Variants in FGF4 observed in about 807,000 individuals in gnomAD.
FGF4 encodes the protein fibroblast growth factor 4.
In FGF4, 9 loss-of-function variants were observed where a neutral mutation model predicts 15.7. That is an observed-to-expected ratio of 0.57 (90% CI 0.35 to 1.00). The LOEUF is 1.00. Ranked by LOEUF, FGF4 falls within the 50% of genes least tolerant of loss-of-function variation. The pLI is 0.02. For missense variants in FGF4, 286 were observed against 297.3 expected (o/e 0.96, Z 0.28); for synonymous variants, 164 against 144.8 (o/e 1.13, Z -0.95).
chr11:69,775,177 G>T lies in FGF4; in HGVS notation c.-93C>A. 1 of 892,366 alleles carries T rather than the reference G, an allele frequency of 1.1e-6. No homozygotes were observed. Among genetic ancestry groups the T allele is most frequent in the Non-Finnish European group, 1.5e-6 (1 of 675,380 alleles). The allele number at this position is 892,366 out of a possible 1,614,324, so 55.3% of individuals were successfully genotyped here. A position where few individuals can be genotyped will look rare whatever the true frequency, so the allele number is the denominator to read the frequency against. On this transcript the variant is annotated 5_prime_UTR_variant, in exon 1 of 3. Transcript: ENST00000168712. ...CCTGTGGCGTCCCGCGGGAGCGCACGGCCGACCTCGGGCAGGAGTGCGCAA... is the reference window on the plus strand; with the variant it reads ...CCTGTGGCGTCCCGCGGGAGCGCACTGCCGACCTCGGGCAGGAGTGCGCAA...
Position 69,773,390 on chromosome 11 carries a change from G to A in FGF4, c.540C>T (p.Ala180=), listed in dbSNP as rs755033485. Residue 180 remains alanine, a synonymous_variant, in exon 3 of 3, where the codon GCC becomes GCT. Coordinates refer to ENST00000168712, the MANE Select transcript of FGF4 (RefSeq NM_002007.4). ...ESYKYPGMFI[A]LSKNGKTKKG... is the part of the protein sequence containing the mutation. The stretch of plus-strand genomic sequence containing the variant: ...TCTTGGTCTTCCCATTCTTGCTCAG[G>A]GCGATGAACATGCCGGGGTACTTGT... 8.1e-6 allele frequency: 13 copies of A among 1,614,044 alleles called. No homozygotes were observed. The Admixed American group carries it at 2.2e-4, about 27-fold the overall frequency.
Position 69,772,056 on chromosome 11 carries a change from T to G in FGF4, c.*1253A>C, listed in dbSNP as rs1480539052. The G allele has an allele frequency of 6.6e-6, 1 of 152,152 alleles. No individual in the cohort carries two copies. The allele number at this position is 152,152 out of a possible 1,614,324, so 9.4% of individuals were successfully genotyped here. The stretch of plus-strand genomic sequence containing the variant: ...TACTGTAACAGCTGTCTGCAAATAT[T>G]TTCACCATGATCACCCTTACTAAAA... On this transcript the variant is annotated 3_prime_UTR_variant, in exon 3 of 3. Transcript: ENST00000168712.
chr11:69,773,469 T>G lies in FGF4; in HGVS notation c.461A>C (p.Glu154Ala). ...AAGGAGAATCTCCTTGAACGTGCAC[T>G]CATCGGTGAAGAAGGGCTGCAGCAA... ...KLYGSPFFTD[E>A]CTFKEILLPN... The change falls in exon 3 of 3, where the codon GAG (glutamate) becomes GCG (alanine). Residue 154 changes from glutamate to alanine, a missense_variant. Transcript: ENST00000168712. 6.2e-7 allele frequency: 1 copy of G among 1,614,070 alleles called. No individual in the cohort carries two copies. Among genetic ancestry groups the G allele is most frequent in the Non-Finnish European group, 8.5e-7 (1 of 1,179,978 alleles).
In FGF4 at chr11:69,773,348, C is replaced by T. The variant is rs758826241; in HGVS notation, c.582G>A (p.Ser194=). ...NGKTKKGNRV[S]PTMKVTHFLP... is the part of the protein sequence containing the mutation. Reference sequence around the variant, plus strand: ...GGAAGTGGGTGACCTTCATGGTGGGCGACACTCGGTTCCCCTTCTTGGTCT... The same window carrying T: ...GGAAGTGGGTGACCTTCATGGTGGGTGACACTCGGTTCCCCTTCTTGGTCT... Residue 194 remains serine, a synonymous_variant, in exon 3 of 3, where the codon TCG becomes TCA. Coordinates refer to ENST00000168712, the MANE Select transcript of FGF4 (RefSeq NM_002007.4). The T allele has an allele frequency of 3.2e-5, 52 of 1,613,932 alleles. No homozygotes were observed. Among genetic ancestry groups the T allele is most frequent in the African/African-American group, 1.9e-4 (14 of 74,886 alleles).
In FGF4 at chr11:69,774,030, A is replaced by C. The variant is rs61738964; in HGVS notation, c.438T>G (p.Tyr146Ter). 34 of 1,612,464 alleles carry C rather than the reference A, an allele frequency of 2.1e-5. No homozygotes were observed. Among genetic ancestry groups the C allele is most frequent in the Non-Finnish European group, 2.9e-5 (34 of 1,179,638 alleles). The change falls in exon 2 of 3, where the codon TAT becomes TAG. Residue 146 changes from tyrosine (Y) to a stop codon, truncating the protein, a stop_gained. Transcript: ENST00000168712. LOFTEE classifies it high-confidence loss of function. ...FVAMSSKGKL[Y>*]GSPFFTDECT... ...AGACCCCTGCGGTACTCACCGAGCC[A>C]TAGAGCTTGCCCTTGCTGCTCATGG...
chr11:69,771,265 G>A lies in FGF4; in HGVS notation c.*2044C>T, dbSNP rs1855564909. ...AAAACAATATTTTAAAGGTACAGTT[G>A]TGTTCCTACAGGCATCACACATGAT... On this transcript the variant is annotated 3_prime_UTR_variant, in exon 3 of 3. Transcript: ENST00000168712. The A allele has an allele frequency of 6.6e-6, 1 of 152,208 alleles. No individual in the cohort carries two copies. The allele number at this position is 152,208 out of a possible 1,614,324, so 9.4% of individuals were successfully genotyped here. A position where few individuals can be genotyped will look rare whatever the true frequency, so the allele number is the denominator to read the frequency against.
chr11:69,771,818 T>C lies in FGF4; in HGVS notation c.*1491A>G, dbSNP rs752627726. On this transcript the variant is annotated 3_prime_UTR_variant, in exon 3 of 3. Transcript: ENST00000168712. Reference sequence around the variant, plus strand: ...AACATCCTAGGAGAGTATTAAAGTCTTGACGAAACATTCGGAGCATTTCTG... The same window carrying C: ...AACATCCTAGGAGAGTATTAAAGTCCTGACGAAACATTCGGAGCATTTCTG... 8 of 152,224 alleles carry C rather than the reference T, an allele frequency of 5.3e-5. No homozygotes were observed. Among genetic ancestry groups the C allele is most frequent in the Non-Finnish European group, 2.9e-5 (2 of 68,036 alleles). 9.4% of individuals were successfully genotyped at this position (152,224 alleles called of 1,614,324 possible). A position where few individuals can be genotyped will look rare whatever the true frequency, so the allele number is the denominator to read the frequency against.
chr11:69,774,868 C>G lies in FGF4; in HGVS notation c.217G>C (p.Ala73Pro). ...TTGATGCCCAGCAGGTAGTCGCCGG[C>G]GCCGCTCTGGACGGCCGCCTCCTTG... is the stretch of plus-strand genomic sequence containing the variant. ...QPKEAAVQSG[A>P]GDYLLGIKRL... Residue 73 changes from alanine (A) to proline (P), a missense_variant, in exon 1 of 3, where the codon GCC becomes CCC. Coordinates refer to ENST00000168712, the MANE Select transcript of FGF4 (RefSeq NM_002007.4). The G allele has an allele frequency of 6.6e-7, 1 of 1,504,894 alleles. No individual in the cohort carries two copies. The highest frequency in any genetic ancestry group is 2.8e-5 in the East Asian group (1 of 35,850). The allele number at this position is 1,504,894 out of a possible 1,614,324, so 93.2% of individuals were successfully genotyped here.
In FGF4 at chr11:69,774,914, G is replaced by A. The variant is rs1299240266; in HGVS notation, c.171C>T (p.Arg57=). 2.7e-6 allele frequency: 4 copies of A among 1,481,252 alleles called. No individual in the cohort carries two copies. The highest frequency in any genetic ancestry group is 1.3e-5 in the South Asian group (1 of 78,772). The allele number at this position is 1,481,252 out of a possible 1,614,324, so 91.8% of individuals were successfully genotyped here. ...WESLVALSLA[R]LPVAAQPKEA... ...CCTTGGGCTGCGCTGCCACCGGCAG[G>A]CGCGCCAACGAGAGCGCCACCAGGC... Residue 57 remains arginine (R), a synonymous_variant, in exon 1 of 3, where the codon CGC becomes CGT. Coordinates refer to ENST00000168712, the MANE Select transcript of FGF4 (RefSeq NM_002007.4).
chr11:69,775,195 G>A lies in FGF4; in HGVS notation c.-111C>T. On this transcript the variant is annotated 5_prime_UTR_variant, in exon 1 of 3. Coordinates refer to ENST00000168712, the MANE Select transcript of FGF4 (RefSeq NM_002007.4). ...AGCGCACGGCCGACCTCGGGCAGGAGTGCGCAACCGAGGAGGTGCGGGAGG... is the reference window on the plus strand; with the variant it reads ...AGCGCACGGCCGACCTCGGGCAGGAATGCGCAACCGAGGAGGTGCGGGAGG... 4.3e-6 allele frequency: 3 copies of A among 693,588 alleles called. No homozygotes were observed. The highest frequency in any genetic ancestry group is 6.1e-6 in the Non-Finnish European group (3 of 495,672). 43.0% of individuals were successfully genotyped at this position (693,588 alleles called of 1,614,324 possible). A position where few individuals can be genotyped will look rare whatever the true frequency, so the allele number is the denominator to read the frequency against.
At position 69,773,274 on chromosome 11, in the gene FGF4, G is replaced by A. The variant is rs1330185587; in HGVS notation, c.*35C>T. On this transcript the variant is annotated 3_prime_UTR_variant, in exon 3 of 3. Transcript: ENST00000168712. ...GACCCTCGGCACTGCCCTCCCAGGG[G>A]CTTCCCGAGGCTGAGGCAAGGGTCC... is the stretch of plus-strand genomic sequence containing the variant. The A allele has an allele frequency of 6.2e-7, 1 of 1,605,692 alleles. No individual in the cohort carries two copies. The highest frequency in any genetic ancestry group is 2.2e-5 in the East Asian group (1 of 44,834).
intron 1 of FGF4, 131 bp downstream of exon 1, chr11:69,774,614 C>A (rs1453780886): frequency 1.6e-6 from 1 of 632,938 alleles, no homozygotes; most frequent in African/African-American, 2.0e-5. Flanking sequence ...GGGACCGGAG[C>A]CCGAGTCCGC....
In FGF4 at chr11:69,775,044, G is replaced by A. The variant is rs1158890592; in HGVS notation, c.41C>T (p.Ala14Val). 2 of 1,398,674 alleles carry A rather than the reference G, an allele frequency of 1.4e-6. No homozygotes were observed. The highest frequency in any genetic ancestry group is 1.8e-6 in the Non-Finnish European group (2 of 1,083,530). 86.6% of individuals were successfully genotyped at this position (1,398,674 alleles called of 1,614,324 possible). A position where few individuals can be genotyped will look rare whatever the true frequency, so the allele number is the denominator to read the frequency against. ...PGTAAVALLPAVLLALLAPWA... is the reference protein window; with the variant it reads ...PGTAAVALLPVVLLALLAPWA... ...GGGCGCCAGCAAGGCCAGCAGGACC[G>A]CCGGGAGCAGCGCTACCGCGGCCGT... The change falls in exon 1 of 3, where the codon GCG becomes GTG. Residue 14 changes from alanine (A) to valine (V), a missense_variant. Coordinates refer to ENST00000168712, the MANE Select transcript of FGF4 (RefSeq NM_002007.4).
In FGF4 at chr11:69,774,885, G is replaced by T; in HGVS notation, c.200C>A (p.Ala67Glu). Reference protein sequence around the residue: ...RLPVAAQPKEAAVQSGAGDYL... With the variant: ...RLPVAAQPKEEAVQSGAGDYL... ...GTCGCCGGCGCCGCTCTGGACGGCC[G>T]CCTCCTTGGGCTGCGCTGCCACCGG... Residue 67 changes from alanine (A) to glutamate (E), a missense_variant, in exon 1 of 3, where the codon GCG becomes GAG. Physicochemically the swap from Ala to Glu is moderately radical, Grantham distance 107. Transcript: ENST00000168712. The T allele has an allele frequency of 6.7e-7, 1 of 1,488,950 alleles. No homozygotes were observed. The highest frequency in any genetic ancestry group is 8.9e-7 in the Non-Finnish European group (1 of 1,127,184). 92.2% of individuals were successfully genotyped at this position (1,488,950 alleles called of 1,614,324 possible).
chr11:69,773,302 T>C lies in FGF4; in HGVS notation c.*7A>G. 6.2e-7 allele frequency: 1 copy of C among 1,613,932 alleles called. No homozygotes were observed. The highest frequency in any genetic ancestry group is 8.5e-7 in the Non-Finnish European group (1 of 1,179,850). ...TCCCGAGGCTGAGGCAAGGGTCCTC[T>C]GGAGGGTCACAGCCTGGGGAGGAAG... is the stretch of plus-strand genomic sequence containing the variant. On this transcript the variant is annotated 3_prime_UTR_variant, in exon 3 of 3. Transcript: ENST00000168712.
Position 69,773,476 on chromosome 11 carries a change from TGAA to T in FGF4, c.451_453del (p.Phe151del). ...ATCTCCTTGAACGTGCACTCATCGG[TGAA>T]GAAGGGCTGCAGCAAAGCAGGGCAG... On this transcript the variant is annotated inframe_deletion, in exon 3 of 3. Transcript: ENST00000168712. 6.2e-7 allele frequency: 1 copy of T among 1,613,984 alleles called. No homozygotes were observed. The highest frequency in any genetic ancestry group is 8.5e-7 in the Non-Finnish European group (1 of 1,179,984).
Position 69,775,192 on chromosome 11 carries a change from G to T in FGF4, c.-108C>A. The T allele has an allele frequency of 1.4e-6, 1 of 719,264 alleles. No individual in the cohort carries two copies. Among genetic ancestry groups the T allele is most frequent in the Non-Finnish European group, 1.9e-6 (1 of 518,432 alleles). 44.6% of individuals were successfully genotyped at this position (719,264 alleles called of 1,614,324 possible). On this transcript the variant is annotated 5_prime_UTR_variant, in exon 1 of 3. It adds an upstream start codon to the 5' untranslated region. Transcript: ENST00000168712. The stretch of plus-strand genomic sequence containing the variant: ...GGGAGCGCACGGCCGACCTCGGGCA[G>T]GAGTGCGCAACCGAGGAGGTGCGGG...
chr11:69,774,917 C>T lies in FGF4; in HGVS notation c.168G>A (p.Ala56=), dbSNP rs751067289. Residue 56 remains alanine, a synonymous_variant, in exon 1 of 3, where the codon GCG becomes GCA. Transcript: ENST00000168712. ...RWESLVALSL[A]RLPVAAQPKE... ...TGGGCTGCGCTGCCACCGGCAGGCG[C>T]GCCAACGAGAGCGCCACCAGGCTCT... is the stretch of plus-strand genomic sequence containing the variant. 156 of 1,481,540 alleles carry T rather than the reference C, an allele frequency of 1.1e-4. 1 individual carries two copies. Among genetic ancestry groups the T allele is most frequent in the Admixed American group, 9.7e-4 (42 of 43,516 alleles). 91.8% of individuals were successfully genotyped at this position (1,481,540 alleles called of 1,614,324 possible).
rs1310489446 is a variant in FGF4 at position 69,775,306 on chromosome 11, ACT to A, written c.-224_-223del. ...CGGAAAGCGCGCGGCTGGAGCTGGG[ACT>A]CTGAGGAGCAGTGCGCGCCTCCCTG... On this transcript the variant is annotated 5_prime_UTR_variant, in exon 1 of 3. Coordinates refer to ENST00000168712, the MANE Select transcript of FGF4 (RefSeq NM_002007.4). 5.4e-6 allele frequency: 2 copies of A among 372,572 alleles called. No homozygotes were observed. The highest frequency in any genetic ancestry group is 9.5e-6 in the Non-Finnish European group (2 of 210,826). 23.1% of individuals were successfully genotyped at this position (372,572 alleles called of 1,614,324 possible).
Sources: allele counts gnomAD v4.1 joint callset, GRCh38; gene constraint gnomAD v4.1.1; transcripts MANE v1.5; gene names NCBI Gene and HGNC (gene_info 2026-07-23, HGNC 2026-07-21).